The following KIAA1755 variants were observed in gnomAD, a reference collection of about 807,000 sequenced individuals.
KIAA1755 encodes the protein KIAA1755.
KIAA1755 carries 68 observed loss-of-function variants against 91.7 expected under a neutral mutation model. The observed-to-expected ratio is 0.74, with a 90% CI of 0.61 to 0.91. The LOEUF is 0.91. Among genes scored for constraint, KIAA1755 ranks in the 40% least tolerant of loss-of-function variants. The probability of loss-of-function intolerance (pLI) is 0.00; values close to 1 mark genes in which losing one functional copy is unlikely to be tolerated. For missense variants in KIAA1755, 1,535 were observed against 1,494.4 expected (o/e 1.03, Z -0.45); for synonymous variants, 610 against 604.6 (o/e 1.01, Z -0.13).
chr20:38,252,024 G>C (rs1043227860), intron 1 of KIAA1755, among the ~76,000 whole-genome samples: 2 of 152,126 alleles, frequency 1.3e-5, no homozygotes, highest in Non-Finnish European at 2.9e-5. Context: ...CTTGCCAGTT[G>C]TCTATGTCAT....
In KIAA1755 at chr20:38,217,357, T is replaced by C. The variant is rs1323634150; in HGVS notation, c.2797A>G (p.Thr933Ala). 6.2e-7 allele frequency: 1 copy of C among 1,613,220 alleles called. No homozygotes were observed. The highest frequency in any genetic ancestry group is 1.1e-5 in the South Asian group (1 of 90,802). Residue 933 changes from threonine (T) to alanine (A), a missense_variant, in exon 13 of 14, where the codon ACC becomes GCC. Thr to Ala is a moderately conservative substitution (Grantham distance 58). Transcript: ENST00000279024. ...AGCTCAGCCTGGAAGGCCCGCTGGGTAGAGGCAAAGGCTGCCAGCTCTGGG... is the reference window on the plus strand; with the variant it reads ...AGCTCAGCCTGGAAGGCCCGCTGGGCAGAGGCAAAGGCTGCCAGCTCTGGG... ...EFPELAAFAS[T>A]QRAFQAELTH...
chr20:38,247,165 C>T (rs1205438), intron 1 of KIAA1755, among the ~76,000 whole-genome samples: 59,780 of 151,962 alleles, frequency 0.39, 11,982 homozygotes, highest in Middle Eastern at 0.55. Context: ...GACCCCAGAG[C>T]GACCTTTCTC....
At chr20:38,233,092 G>T (rs2075898572) in intron 4 of KIAA1755, among the ~76,000 whole-genome samples, 1 of 152,200 alleles carries the variant, frequency 6.6e-6, no homozygotes, top group African/African-American at 2.4e-5. Flanking sequence ...CTGCACTCCA[G>T]CCTGGGTGAC....
intron 1 of KIAA1755, among the ~76,000 whole-genome samples, chr20:38,247,426 C>G (rs2076177742): frequency 6.6e-6 from 1 of 152,210 alleles, no homozygotes; most frequent in Non-Finnish European, 1.5e-5. Context: ...TCCACCCCTC[C>G]TCACCTGGCC....
At chr20:38,223,277 T>G in intron 9 of KIAA1755, 2 of 306,468 alleles carry the variant, frequency 6.5e-6, no homozygotes, top group Non-Finnish European at 1.2e-5. Flanking sequence ...GACATACCCA[T>G]TTATAATAGT....
intron 4 of KIAA1755, among the ~76,000 whole-genome samples, chr20:38,231,621 T>C (rs994267650): frequency 1.3e-5 from 2 of 152,136 alleles, no homozygotes; most frequent in African/African-American, 4.8e-5. Context: ...AGGGGTCAAG[T>C]CTCTGCTCTG....
In KIAA1755 at chr20:38,234,971, G is replaced by A. The variant is rs1406926471; in HGVS notation, c.1748-3646C>T. On this transcript the variant is annotated intron_variant, in intron 4 of 13. Coordinates refer to ENST00000279024, the MANE Select transcript of KIAA1755 (RefSeq NM_001029864.2). ...ATTGTGAGCCTCAGGTGAAAATGAG[G>A]ATGGCAAAATGAGGGTGGTGGGTAA... Among the ~76,000 whole-genome samples the A allele has an allele frequency of 2.0e-5, 3 of 152,322 alleles. No individual in the cohort carries two copies. The East Asian group carries it at 5.8e-4, about 29-fold the overall frequency.
At position 38,248,380 on chromosome 20, in the gene KIAA1755, C is replaced by A. The variant is rs530419204; in HGVS notation, c.4-2254G>T. On this transcript the variant is annotated intron_variant, in intron 1 of 13. Coordinates refer to ENST00000279024, the MANE Select transcript of KIAA1755 (RefSeq NM_001029864.2). The stretch of plus-strand genomic sequence containing the variant: ...AAGCAAATGGATTCTCCCCTAGAGC[C>A]TCCAGAAGAGAAATAGCCCTGCCAA... 1.5e-4 allele frequency among the ~76,000 whole-genome samples: 23 copies of A among 152,302 alleles called. No homozygotes were observed. The East Asian group carries it at 3.9e-3, about 26-fold the overall frequency.
In KIAA1755 at chr20:38,222,605, C is replaced by G. The variant is rs762034055; in HGVS notation, c.2269-8G>C. The G allele has an allele frequency of 5.0e-6, 8 of 1,611,132 alleles. No homozygotes were observed. Among genetic ancestry groups the G allele is most frequent in the Non-Finnish European group, 6.8e-6 (8 of 1,179,912 alleles). On this transcript the variant is annotated splice_region_variant and splice_polypyrimidine_tract_variant and intron_variant, in intron 9 of 13. Transcript: ENST00000279024. ...CAGGCACCTGGTAGCCTCCTGCCAG[C>G]GTAGGGAGGTGCCCTGAGGCCCCAT...
chr20:38,246,130 T>C lies in KIAA1755; in HGVS notation c.4-4A>G, dbSNP rs1053546891. ...CTGTGTCGAGGGATGGAGGGTCCTGTGGGGGACAGGAGGAGGGGGTGATAA... is the reference window on the plus strand; with the variant it reads ...CTGTGTCGAGGGATGGAGGGTCCTGCGGGGGACAGGAGGAGGGGGTGATAA... On this transcript the variant is annotated splice_polypyrimidine_tract_variant and splice_region_variant and intron_variant, in intron 1 of 13. Transcript: ENST00000279024. The C allele has an allele frequency of 1.2e-6, 2 of 1,611,838 alleles. No individual in the cohort carries two copies. The highest frequency in any genetic ancestry group is 1.7e-6 in the Non-Finnish European group (2 of 1,179,406).
At chr20:38,257,472 G>A (rs961423365) in intron 1 of KIAA1755, among the ~76,000 whole-genome samples, 4 of 151,584 alleles carry the variant, frequency 2.6e-5, no homozygotes, top group Non-Finnish European at 4.4e-5. Flanking sequence ...TCCCAGCTAC[G>A]CAGGAGGCTG....
chr20:38,243,283 T>C (rs539927514), intron 2 of KIAA1755, among the ~76,000 whole-genome samples: 1 of 152,352 alleles, frequency 6.6e-6, no homozygotes, highest in South Asian at 2.1e-4. Context: ...ACCATAGTTA[T>C]ACCTTATGTT....
At chr20:38,239,815 T>C in intron 3 of KIAA1755, 90 bp from the exon 4 acceptor site, 1 of 1,175,742 alleles carries the variant, frequency 8.5e-7, no homozygotes, top group Non-Finnish European at 1.2e-6. Flanking sequence ...TTCTGACTAA[T>C]AATAGCTTAC....
At chr20:38,249,275 C>A (rs2076206965) in intron 1 of KIAA1755, among the ~76,000 whole-genome samples, 2 of 152,192 alleles carry the variant, frequency 1.3e-5, no homozygotes, top group African/African-American at 4.8e-5. Flanking sequence ...CTCACGGGGG[C>A]CCTTCTGGTT....
At position 38,226,358 on chromosome 20, in the gene KIAA1755, C is replaced by T. The variant is rs1234249680; in HGVS notation, c.2053-577G>A. Among the ~76,000 whole-genome samples the T allele has an allele frequency of 5.3e-5, 8 of 152,286 alleles. No homozygotes were observed. The East Asian group carries it at 1.3e-3, about 26-fold the overall frequency. ...GTGGATTCTGTGGTTTTTTTGGACC[C>T]ACCTGATATTCCTGCTACTCAAAGT... On this transcript the variant is annotated intron_variant, in intron 7 of 13. Coordinates refer to ENST00000279024, the MANE Select transcript of KIAA1755 (RefSeq NM_001029864.2).
chr20:38,224,334 G>T (rs541256174), intron 8 of KIAA1755, among the ~76,000 whole-genome samples: 1 of 152,312 alleles, frequency 6.6e-6, no homozygotes, highest in African/African-American at 2.4e-5. Flanking sequence ...TTCATTGGAG[G>T]CCTCTGGAAA....
chr20:38,217,934 A>G (rs975972365), intron 12 of KIAA1755: 3 of 442,988 alleles, frequency 6.8e-6, no homozygotes, highest in African/African-American at 5.9e-5. Flanking sequence ...CATCACGTTG[A>G]TGCAGCTTCC....
At chr20:38,219,553 C>A (rs150069956) in intron 11 of KIAA1755, 77 bp downstream of exon 11, 3 of 1,566,532 alleles carry the variant, frequency 1.9e-6, no homozygotes, top group South Asian at 1.2e-5. Context: ...TGACTAGGGA[C>A]GGGCCCAGAG....
intron 1 of KIAA1755, among the ~76,000 whole-genome samples, chr20:38,247,566 C>A (rs1484823704): frequency 6.6e-6 from 1 of 152,214 alleles, no homozygotes; most frequent in Non-Finnish European, 1.5e-5. Flanking sequence ...ACAGCGGTTC[C>A]CATCTAAAGG....
Sources: allele counts gnomAD v4.1 joint callset (sites outside exome capture counted in the v4.1 genomes callset), GRCh38; gene constraint gnomAD v4.1.1; transcripts MANE v1.5; gene names NCBI Gene and HGNC (gene_info 2026-07-23, HGNC 2026-07-21).